Variants in FANCC observed in about 807,000 individuals in gnomAD.
FANCC encodes FA complementation group C.
In FANCC, 55 loss-of-function variants were observed where a neutral mutation model predicts 71.3. That is an observed-to-expected ratio of 0.77 (90% CI 0.62 to 0.97). FANCC has a LOEUF of 0.97. Ranked by LOEUF, FANCC falls within the 50% of genes least tolerant of loss-of-function variation. The pLI, the probability that FANCC is intolerant of heterozygous loss-of-function variation, is 0.00. For missense variants in FANCC, 678 were observed against 670.9 expected, an observed-to-expected ratio of 1.01 and a Z score of -0.12; for synonymous variants, 275 against 244.9, an observed-to-expected ratio of 1.12 and a Z score of -1.15.
intron 4 of FANCC, among the ~76,000 whole-genome samples, chr9:95,196,959 G>A (rs1827495534): frequency 6.6e-6 from 1 of 152,184 alleles, no homozygotes; most frequent in South Asian, 2.1e-4. Flanking sequence ...GACTCTGACT[G>A]AGAACATATT....
At chr9:95,293,512 G>T in intron 1 of FANCC, 4 of 1,593,750 alleles carry the variant, frequency 2.5e-6, no homozygotes, top group Middle Eastern at 3.4e-4. Context: ...TTGGGTAAAA[G>T]TCCATCTAAT....
intron 7 of FANCC, among the ~76,000 whole-genome samples, chr9:95,144,220 C>T (rs1413236701): frequency 6.6e-6 from 1 of 152,206 alleles, no homozygotes; most frequent in Non-Finnish European, 1.5e-5. Flanking sequence ...GTTCCGCCTA[C>T]GGGAAAGTGT....
chr9:95,187,552 C>T (rs1437188472), intron 4 of FANCC, among the ~76,000 whole-genome samples: 1 of 152,246 alleles, frequency 6.6e-6, no homozygotes, highest in South Asian at 2.1e-4. Context: ...CTGCAGACCA[C>T]CTTGGTCCCA....
At chr9:95,110,193 T>A in intron 13 of FANCC, 2 of 950,022 alleles carry the variant, frequency 2.1e-6, no homozygotes, top group East Asian at 1.6e-4. Context: ...AGTTAGCTAG[T>A]AGAAGATGTG....
At chr9:95,308,251 T>C (rs987070406) in intron 1 of FANCC, among the ~76,000 whole-genome samples, 3 of 152,050 alleles carry the variant, frequency 2.0e-5, no homozygotes, top group African/African-American at 7.2e-5. Flanking sequence ...AATTTTTTTT[T>C]CTTTTTTTTT....
At chr9:95,291,199 A>G (rs1360506835) in intron 1 of FANCC, among the ~76,000 whole-genome samples, 1 of 152,200 alleles carries the variant, frequency 6.6e-6, no homozygotes, top group East Asian at 1.9e-4. Flanking sequence ...ACTTCTATCC[A>G]ACACAGCACT....
At chr9:95,110,957 T>C in intron 13 of FANCC, 1 of 1,392,818 alleles carries the variant, frequency 7.2e-7, no homozygotes, top group Non-Finnish European at 9.3e-7. Flanking sequence ...GTTAATATCA[T>C]CTGATTACTT....
intron 4 of FANCC, among the ~76,000 whole-genome samples, chr9:95,186,942 C>T (rs1008748303): frequency 6.6e-6 from 1 of 152,078 alleles, no homozygotes; most frequent in African/African-American, 2.4e-5. Flanking sequence ...CAGGCATGCG[C>T]CACCACGCCT....
At position 95,172,091 on chromosome 9, in the gene FANCC, G is replaced by C; in HGVS notation, c.402C>G (p.Phe134Leu). The C allele has an allele frequency of 3.1e-6, 5 of 1,613,366 alleles. No individual in the cohort carries two copies. Among genetic ancestry groups the C allele is most frequent in the Non-Finnish European group, 4.2e-6 (5 of 1,179,422 alleles). The part of the protein sequence containing the change: ...ALRFDKEVAL[F>L]TQGLGYAPID... The stretch of plus-strand genomic sequence containing the variant: ...TAGGTGCATACCCAAGACCTTGAGT[G>C]AAAAGAGCAACTTCTTTATCAAATC... The change falls in exon 5 of 15, where the codon TTC (phenylalanine) becomes TTG (leucine). Residue 134 changes from phenylalanine (F) to leucine (L), a missense_variant. Coordinates refer to ENST00000289081, the MANE Select transcript of FANCC (RefSeq NM_000136.3).
intron 4 of FANCC, among the ~76,000 whole-genome samples, chr9:95,205,257 T>C (rs1418765763): frequency 6.6e-6 from 1 of 152,196 alleles, no homozygotes; most frequent in Non-Finnish European, 1.5e-5. Context: ...AGGTATAGTA[T>C]ACTATGACTT....
At chr9:95,164,722 T>C (rs1369088495) in intron 6 of FANCC, among the ~76,000 whole-genome samples, 3 of 152,180 alleles carry the variant, frequency 2.0e-5, no homozygotes, top group Admixed American at 6.5e-5. Context: ...CCTTCCATCA[T>C]GATTCACGAA....
intron 4 of FANCC, among the ~76,000 whole-genome samples, chr9:95,211,392 T>A (rs1417870366): frequency 6.6e-6 from 1 of 152,204 alleles, no homozygotes; most frequent in African/African-American, 2.4e-5. Context: ...GGCTGAATAA[T>A]AATCTGTGCA....
chr9:95,242,509 A>G (rs1830695940), intron 3 of FANCC, among the ~76,000 whole-genome samples: 1 of 151,554 alleles, frequency 6.6e-6, no homozygotes, highest in Non-Finnish European at 1.5e-5. Flanking sequence ...AAGAAAGGAA[A>G]TGTCAGTTTA....
intron 1 of FANCC, among the ~76,000 whole-genome samples, chr9:95,249,935 A>G (rs1831225347): frequency 1.3e-5 from 2 of 152,252 alleles, no homozygotes; most frequent in South Asian, 4.1e-4. Flanking sequence ...CAATCTTTTA[A>G]CTAAAGATTG....
intron 13 of FANCC, chr9:95,110,679 C>T: frequency 6.7e-6 from 7 of 1,052,484 alleles, no homozygotes; most frequent in Non-Finnish European, 8.0e-6. Flanking sequence ...AATGCCAAAG[C>T]CAAGAGAAGC....
intron 1 of FANCC, among the ~76,000 whole-genome samples, chr9:95,316,661 T>G (rs1422755270): frequency 6.6e-6 from 1 of 152,238 alleles, no homozygotes; most frequent in Admixed American, 6.5e-5. Flanking sequence ...AGGACTTTGC[T>G]AGAAAACTCC....
At chr9:95,107,896 A>G (rs2071583243) in intron 13 of FANCC, among the ~76,000 whole-genome samples, 1 of 152,216 alleles carries the variant, frequency 6.6e-6, no homozygotes, top group Non-Finnish European at 1.5e-5. Flanking sequence ...TAATAATGGT[A>G]ATTATAAGTC....
Position 95,107,248 on chromosome 9 carries a change from C to T in FANCC, c.1351G>A (p.Gly451Ser), listed in dbSNP as rs141805918. The change falls in exon 14 of 15, where the codon GGC becomes AGC. Residue 451 changes from glycine to serine, a missense_variant. Physicochemically the swap from Gly to Ser is moderately conservative, Grantham distance 56 (BLOSUM62 0). Transcript: ENST00000289081. ...CTTCTGGACATTGCCAGGAGGTGGCCCAGCACGGCCTTCACCTGGACCTGG... is the reference window on the plus strand; with the variant it reads ...CTTCTGGACATTGCCAGGAGGTGGCTCAGCACGGCCTTCACCTGGACCTGG... ...QTMVQVKAVL[G>S]HLLAMSRSSS... is the part of the protein sequence containing the mutation. 3 of 1,613,838 alleles carry T rather than the reference C, an allele frequency of 1.9e-6. No individual in the cohort carries two copies. The African/African-American group carries it at 4.0e-5, about 22-fold the overall frequency.
At chr9:95,292,530 G>T in intron 1 of FANCC, 3 of 1,490,628 alleles carry the variant, frequency 2.0e-6, no homozygotes, top group Non-Finnish European at 2.7e-6. Context: ...CGTGCTGGCG[G>T]GGGAGCTGAT....
Sources: gnomAD v4.1 joint callset for allele counts (sites outside exome capture counted in the v4.1 genomes callset) on GRCh38, gnomAD v4.1.1 for gene constraint, MANE v1.5 for transcripts, NCBI Gene and HGNC (gene_info 2026-07-23, HGNC 2026-07-21) for gene names.